CAMK4: variants seen among roughly 807,000 people sequenced by gnomAD.
CAMK4 encodes the protein calcium/calmodulin dependent protein kinase IV, also known as calcium/calmodulin-dependent protein kinase type IV.
CAMK4 carries 22 observed loss-of-function variants against 44.9 expected under a neutral mutation model. That is an observed-to-expected ratio of 0.49 (90% CI 0.35 to 0.70). The LOEUF is 0.70. Ranked by LOEUF, CAMK4 falls within the 30% of genes least tolerant of loss-of-function variation. The pLI, the probability that CAMK4 is intolerant of heterozygous loss-of-function variation, is 0.01. For synonymous variants in CAMK4, 218 were observed against 215.4 expected, an observed-to-expected ratio of 1.01 and a Z score of -0.11; for missense variants, 498 against 586.8, an observed-to-expected ratio of 0.85 and a Z score of 1.56.
chr5:111,317,197 A>G (rs758679129), intron 1 of CAMK4, among the ~76,000 whole-genome samples: 5 of 152,202 alleles, frequency 3.3e-5, no homozygotes, highest in African/African-American at 1.2e-4. Flanking sequence ...CCCAGAAATT[A>G]TAGGTCAGGC....
intron 1 of CAMK4, among the ~76,000 whole-genome samples, chr5:111,225,081 G>T (rs1001034988): frequency 2.6e-5 from 4 of 152,254 alleles, no homozygotes; most frequent in Non-Finnish European, 5.9e-5. Flanking sequence ...CCTTCCCCTC[G>T]TCAAGCTCTC....
rs954522967 is a variant in CAMK4 at position 111,341,544 on chromosome 5, TA to T, written c.162-2472del. Among the ~76,000 whole-genome samples, 6 of 151,024 alleles carry T rather than the reference TA, an allele frequency of 4.0e-5. No homozygotes were observed. The East Asian group carries it at 5.8e-4, about 15-fold the overall frequency. Reference sequence around the variant, plus strand: ...GTAGGACTATTTTTGGATCCTTTTTTAAAAAAAAGTAAATATAAAAATAAAA... The same window carrying T: ...GTAGGACTATTTTTGGATCCTTTTTTAAAAAAAGTAAATATAAAAATAAAA... On this transcript the variant is annotated intron_variant, in intron 1 of 10. Transcript: ENST00000282356.
intron 1 of CAMK4, chr5:111,277,624 G>A (rs185534050): frequency 1.3e-5 from 2 of 152,218 alleles, no homozygotes; most frequent in Admixed American, 6.5e-5. Flanking sequence ...AACCAATATA[G>A]TTTTTAGATG....
chr5:111,459,451 G>C (rs1754555868), intron 7 of CAMK4, among the ~76,000 whole-genome samples: 1 of 152,134 alleles, frequency 6.6e-6, no homozygotes, highest in South Asian at 2.1e-4. Context: ...GAAGACTCCT[G>C]TTAAGTTTTA....
intron 1 of CAMK4, among the ~76,000 whole-genome samples, chr5:111,280,950 T>G (rs754245423): frequency 3.3e-5 from 5 of 152,204 alleles, no homozygotes; most frequent in African/African-American, 4.8e-5. Context: ...GGAATCTTCT[T>G]TAGATTTTGC....
chr5:111,373,837 A>G (rs1159704940), intron 2 of CAMK4, among the ~76,000 whole-genome samples: 10 of 152,266 alleles, frequency 6.6e-5, no homozygotes, highest in Non-Finnish European at 4.4e-5. Context: ...TATCATATCT[A>G]TCGATTGTTT....
At chr5:111,333,662 A>G (rs1253426360) in intron 1 of CAMK4, among the ~76,000 whole-genome samples, 1 of 151,562 alleles carries the variant, frequency 6.6e-6, no homozygotes, top group East Asian at 1.9e-4. Context: ...GCTTATGGAG[A>G]TCCAAGCACT....
intron 1 of CAMK4, among the ~76,000 whole-genome samples, chr5:111,331,646 A>G (rs777812427): frequency 1.3e-4 from 20 of 151,776 alleles, no homozygotes; most frequent in Non-Finnish European, 2.9e-4. Context: ...TTGCCCTCCT[A>G]CAAGACGGCT....
In CAMK4 at chr5:111,370,935, C is replaced by CAAT. The variant is rs1561445543; in HGVS notation, c.241-3915_241-3914insAAT. On this transcript the variant is annotated intron_variant, in intron 2 of 10. Coordinates refer to ENST00000282356, the MANE Select transcript of CAMK4 (RefSeq NM_001744.6). ...TCTCAAAAAACAAAAACAAAAACAA[C>CAAT]GTGTATCCTTATGTTTTAATAGCAT... Among the ~76,000 whole-genome samples, 30 of 63,032 alleles carry CAAT rather than the reference C, an allele frequency of 4.8e-4. No homozygotes were observed. The South Asian group carries it at 0.011, about 24-fold the overall frequency. The allele number at this position is 63,032 out of a possible 152,430, so 41.4% of individuals were successfully genotyped here. A position where few individuals can be genotyped will look rare whatever the true frequency, so the allele number is the denominator to read the frequency against.
chr5:111,240,607 T>A (rs1478375554), intron 1 of CAMK4, among the ~76,000 whole-genome samples: 1 of 152,304 alleles, frequency 6.6e-6, no homozygotes, highest in Non-Finnish European at 1.5e-5. Context: ...AAGCTGTTAA[T>A]GAGATACTCA....
chr5:111,385,122 A>T (rs751475439), intron 4 of CAMK4, among the ~76,000 whole-genome samples: 24 of 152,308 alleles, frequency 1.6e-4, no homozygotes, highest in Non-Finnish European at 1.8e-4. Flanking sequence ...AAATTTTTTT[A>T]ATGAGGGCTA....
chr5:111,478,810 C>T (rs1475606805), intron 9 of CAMK4, among the ~76,000 whole-genome samples: 1 of 152,158 alleles, frequency 6.6e-6, no homozygotes, highest in East Asian at 1.9e-4. Context: ...TGAATTCAAA[C>T]ACAATTTACA....
chr5:111,430,195 C>T lies in CAMK4; in HGVS notation c.460-16491C>T, dbSNP rs546555787. Among the ~76,000 whole-genome samples the T allele has an allele frequency of 2.6e-5, 4 of 152,152 alleles. No homozygotes were observed. In the South Asian group the frequency reaches 8.3e-4, roughly 32 times the overall value. On this transcript the variant is annotated intron_variant, in intron 5 of 10. Coordinates refer to ENST00000282356, the MANE Select transcript of CAMK4 (RefSeq NM_001744.6). ...AATCAATCAATGTGACATGTCATAT[C>T]AACAGAATGAGGGAAAAAAACCATG...
chr5:111,275,745 T>G (rs966796825), intron 1 of CAMK4, among the ~76,000 whole-genome samples: 1 of 152,114 alleles, frequency 6.6e-6, no homozygotes, highest in African/African-American at 2.4e-5. Flanking sequence ...GTTAATAGTT[T>G]ATTGCATATT....
At chr5:111,334,913 A>C (rs1749332675) in intron 1 of CAMK4, among the ~76,000 whole-genome samples, 1 of 151,538 alleles carries the variant, frequency 6.6e-6, no homozygotes, top group South Asian at 2.1e-4. Context: ...AAAGATAACA[A>C]GATTTTTTGA....
chr5:111,483,946 T>C, intron 10 of CAMK4, 80 bp from the exon 11 acceptor site: 1 of 1,151,346 alleles, frequency 8.7e-7, no homozygotes, highest in Non-Finnish European at 1.2e-6. Context: ...ACGGAATCCC[T>C]AAAAGCAAAG....
chr5:111,425,863 C>T (rs1281994428), intron 5 of CAMK4, among the ~76,000 whole-genome samples: 1 of 152,048 alleles, frequency 6.6e-6, no homozygotes, highest in Admixed American at 6.5e-5. Context: ...TTATTAATAG[C>T]TTTGAAATGT....
intron 2 of CAMK4, chr5:111,365,213 A>T (rs966675323): frequency 3.3e-5 from 5 of 152,170 alleles, no homozygotes; most frequent in African/African-American, 7.2e-5. Flanking sequence ...CCAAGGCATT[A>T]TTAGTATATA....
intron 5 of CAMK4, among the ~76,000 whole-genome samples, chr5:111,436,348 G>C (rs930590508): frequency 5.3e-5 from 8 of 152,156 alleles, no homozygotes; most frequent in African/African-American, 1.9e-4. Flanking sequence ...ATGTAGAGGA[G>C]ACTCATGCCA....
Sources: gnomAD v4.1 joint callset for allele counts (sites outside exome capture counted in the v4.1 genomes callset) on GRCh38, gnomAD v4.1.1 for gene constraint, MANE v1.5 for transcripts, NCBI Gene and HGNC (gene_info 2026-07-23, HGNC 2026-07-21) for gene names.